ADAMTSL3: variants seen among roughly 807,000 people sequenced by gnomAD.
ADAMTSL3 encodes ADAMTS-like protein 3.
In ADAMTSL3, 128 loss-of-function variants were observed where a neutral mutation model predicts 201.7. The ratio of observed to expected loss-of-function variants is 0.63; its 90% CI spans 0.55 to 0.73. The LOEUF is 0.73. Among genes scored for constraint, ADAMTSL3 ranks in the 30% least tolerant of loss-of-function variants. The pLI, the probability that ADAMTSL3 is intolerant of heterozygous loss-of-function variation, is 0.00. For synonymous variants in ADAMTSL3, 738 were observed against 748.4 expected (o/e 0.99, Z 0.23); for missense variants, 1,990 against 2,119.6 (o/e 0.94, Z 1.20).
Position 84,025,372 on chromosome 15 carries a change from A to ACCGG in ADAMTSL3, c.4595_4598dup (p.Leu1534AlafsTer45), listed in dbSNP as rs1449933682. ...TCTCCAAGAGCATGTGCCCCTAAAGACCGGCCTCTGGGAAGAAAACCATGT... is the reference window on the plus strand; with the variant it reads ...TCTCCAAGAGCATGTGCCCCTAAAGACCGGCCGGCCTCTGGGAAGAAAACCATGT... On this transcript the variant is annotated frameshift_variant, in exon 27 of 30. Transcript: ENST00000286744. LOFTEE classifies it high-confidence loss of function. The ACCGG allele has an allele frequency of 6.2e-7, 1 of 1,613,886 alleles. No homozygotes were observed. The highest frequency in any genetic ancestry group is 1.3e-5 in the African/African-American group (1 of 74,878).
chr15:83,942,217 A>T (rs1323552055), intron 17 of ADAMTSL3, among the ~76,000 whole-genome samples: 1 of 152,214 alleles, frequency 6.6e-6, no homozygotes, highest in Non-Finnish European at 1.5e-5. Flanking sequence ...AGATTTCCTG[A>T]AGTGTGCTTT....
Position 83,887,655 on chromosome 15 carries a change from A to C in ADAMTSL3, c.1072+2443A>C, listed in dbSNP as rs188565466. Among the ~76,000 whole-genome samples, 540 of 152,326 alleles carry C rather than the reference A, an allele frequency of 3.5e-3. 2 individuals are homozygous for C. The highest frequency in any genetic ancestry group is 0.012 in the African/African-American group (515 of 41,566). On this transcript the variant is annotated intron_variant, in intron 10 of 29. Transcript: ENST00000286744. ...GTTTGTTTTAGAGGCAGGTCTCACC[A>C]AGTTGCCCAGGCTAGACTCAAACTC...
intron 6 of ADAMTSL3, among the ~76,000 whole-genome samples, chr15:83,832,222 G>A (rs1339817475): frequency 1.3e-5 from 2 of 152,080 alleles, no homozygotes; most frequent in Non-Finnish European, 2.9e-5. Flanking sequence ...CAGTCAACAT[G>A]AGCTCCCCTT....
At chr15:83,730,923 T>C (rs1342362148) in intron 3 of ADAMTSL3, among the ~76,000 whole-genome samples, 1 of 152,118 alleles carries the variant, frequency 6.6e-6, no homozygotes, top group Non-Finnish European at 1.5e-5. Flanking sequence ...CATTTAAGTC[T>C]TCAAGGCATT....
chr15:84,022,296 C>A (rs1273782534), intron 26 of ADAMTSL3, among the ~76,000 whole-genome samples: 1 of 152,108 alleles, frequency 6.6e-6, no homozygotes, highest in Non-Finnish European at 1.5e-5. Flanking sequence ...AGTACTTTGT[C>A]CACTCTCTAA....
Position 83,661,194 on chromosome 15 carries a change from A to G in ADAMTSL3, c.69+5364A>G, listed in dbSNP as rs1002224761. On this transcript the variant is annotated intron_variant, in intron 2 of 29. Transcript: ENST00000286744. Reference sequence around the variant, plus strand: ...GTTTTGGTTACTGTAGCCTTGTAGTATAGTTTGAAGTCACATAGCGTGATG... The same window carrying G: ...GTTTTGGTTACTGTAGCCTTGTAGTGTAGTTTGAAGTCACATAGCGTGATG... 1.4e-4 allele frequency among the ~76,000 whole-genome samples: 22 copies of G among 152,284 alleles called. 1 individual carries two copies. In the East Asian group the frequency reaches 3.7e-3, roughly 25 times the overall value.
At chr15:83,961,502 C>T (rs1208321456) in intron 19 of ADAMTSL3, 1 of 152,146 alleles carries the variant, frequency 6.6e-6, no homozygotes, top group Non-Finnish European at 1.5e-5. Context: ...GATGCTGAAC[C>T]TCGTGGATAA....
chr15:83,906,755 A>G (rs1246479569), intron 15 of ADAMTSL3, among the ~76,000 whole-genome samples: 4 of 151,706 alleles, frequency 2.6e-5, no homozygotes, highest in African/African-American at 4.8e-5. Context: ...TTTCATAGCT[A>G]TGTCATTTTC....
At chr15:83,894,215 A>C (rs567656269) in intron 13 of ADAMTSL3, among the ~76,000 whole-genome samples, 1 of 152,344 alleles carries the variant, frequency 6.6e-6, no homozygotes, top group African/African-American at 2.4e-5. Flanking sequence ...TCAGGTAAAG[A>C]CCATATTAAT....
intron 3 of ADAMTSL3, among the ~76,000 whole-genome samples, chr15:83,718,623 A>G (rs1201829366): frequency 6.6e-6 from 1 of 151,178 alleles, no homozygotes; most frequent in African/African-American, 2.4e-5. Context: ...CCCGGGAGGC[A>G]GAGGTTGCCG....
intron 7 of ADAMTSL3, among the ~76,000 whole-genome samples, chr15:83,856,369 G>T (rs1381629707): frequency 6.6e-6 from 1 of 151,656 alleles, no homozygotes; most frequent in Non-Finnish European, 1.5e-5. Flanking sequence ...TAGTGACCAG[G>T]TTTCCCTATG....
At chr15:83,711,554 T>C (rs993487800) in intron 3 of ADAMTSL3, among the ~76,000 whole-genome samples, 7 of 152,292 alleles carry the variant, frequency 4.6e-5, no homozygotes, top group Non-Finnish European at 8.8e-5. Flanking sequence ...AATGTAGTTA[T>C]GCTGCTTAAA....
chr15:84,013,093 G>T (rs1329236533), intron 23 of ADAMTSL3, among the ~76,000 whole-genome samples: 2 of 152,066 alleles, frequency 1.3e-5, no homozygotes, highest in Admixed American at 1.3e-4. Context: ...ATCAGTCTTA[G>T]GTTTCTACAA....
At chr15:83,823,907 CTTCTTCT>C (rs1567169417) in intron 6 of ADAMTSL3, among the ~76,000 whole-genome samples, 1 of 47,428 alleles carries the variant, frequency 2.1e-5, no homozygotes, top group Non-Finnish European at 5.3e-5. Context: ...TCTTCTTCTT[CTTCTTCT>C]TCTTCTTCTT....
At chr15:84,017,149 G>A (rs1247709067) in intron 25 of ADAMTSL3, among the ~76,000 whole-genome samples, 2 of 151,976 alleles carry the variant, frequency 1.3e-5, no homozygotes, top group African/African-American at 4.8e-5. Context: ...ACAGAATCTC[G>A]CTCTGCCTCC....
At chr15:83,759,468 G>T (rs1008336051) in intron 3 of ADAMTSL3, among the ~76,000 whole-genome samples, 7 of 152,142 alleles carry the variant, frequency 4.6e-5, no homozygotes, top group African/African-American at 1.7e-4. Context: ...CTCATGATCC[G>T]CCTGCCTTGG....
chr15:83,916,724 T>G (rs1477787809), intron 16 of ADAMTSL3, among the ~76,000 whole-genome samples: 1 of 151,928 alleles, frequency 6.6e-6, no homozygotes, highest in Non-Finnish European at 1.5e-5. Flanking sequence ...GGCAGGAGGA[T>G]CTCTTGAGGC....
intron 3 of ADAMTSL3, among the ~76,000 whole-genome samples, chr15:83,724,888 C>G (rs2062150943): frequency 6.6e-6 from 1 of 152,014 alleles, no homozygotes; most frequent in South Asian, 2.1e-4. Flanking sequence ...GAATCTCTTT[C>G]TTTTTTTATG....
chr15:83,844,265 A>C (rs2064448215), intron 7 of ADAMTSL3, among the ~76,000 whole-genome samples: 1 of 152,222 alleles, frequency 6.6e-6, no homozygotes, highest in South Asian at 2.1e-4. Context: ...CACTCTTCTA[A>C]TGCATTCCTT....
Sources: allele counts gnomAD v4.1 joint callset (sites outside exome capture counted in the v4.1 genomes callset), GRCh38; gene constraint gnomAD v4.1.1; transcripts MANE v1.5; gene names NCBI Gene and HGNC (gene_info 2026-07-23, HGNC 2026-07-21).